MACROD2: variants seen among roughly 807,000 people sequenced by gnomAD.
The protein encoded by MACROD2 is ADP-ribose glycohydrolase MACROD2.
Under a neutral mutation model 70.4 loss-of-function variants are expected in MACROD2, and 36 were observed. The ratio of observed to expected loss-of-function variants is 0.51; its 90% CI spans 0.39 to 0.68. The LOEUF is 0.68. MACROD2 is among the 30% of genes least tolerant of loss of function. The probability of loss-of-function intolerance (pLI) is 0.00; values close to 1 mark genes in which losing one functional copy is unlikely to be tolerated. For synonymous variants in MACROD2, 172 were observed against 178.8 expected (o/e 0.96, Z 0.30); for missense variants, 496 against 538.4 (o/e 0.92, Z 0.78).
intron 13 of MACROD2, among the ~76,000 whole-genome samples, chr20:15,977,433 T>G (rs1299654335): frequency 6.6e-6 from 1 of 152,222 alleles, no homozygotes; most frequent in African/African-American, 2.4e-5. Context: ...AAACATCCAG[T>G]TATCTTTATT....
At chr20:15,142,873 G>A (rs1397360766) in intron 5 of MACROD2, among the ~76,000 whole-genome samples, 1 of 152,042 alleles carries the variant, frequency 6.6e-6, no homozygotes, top group Non-Finnish European at 1.5e-5. Context: ...AGTATTCCAT[G>A]GTATATATGT....
intron 8 of MACROD2, among the ~76,000 whole-genome samples, chr20:15,848,538 G>A (rs886476540): frequency 2.6e-5 from 4 of 152,158 alleles, no homozygotes; most frequent in Admixed American, 2.0e-4. Flanking sequence ...CCAAGTTCCC[G>A]AGGGAGACTT....
chr20:14,435,728 A>G (rs1406945721), intron 3 of MACROD2, among the ~76,000 whole-genome samples: 1 of 150,256 alleles, frequency 6.7e-6, no homozygotes, highest in Non-Finnish European at 1.5e-5. Flanking sequence ...TTTTTTTGAC[A>G]TAGGATCTTG....
chr20:15,928,323 T>C (rs2065522439), intron 10 of MACROD2, among the ~76,000 whole-genome samples: 1 of 152,352 alleles, frequency 6.6e-6, no homozygotes, highest in African/African-American at 2.4e-5. Context: ...CACAAAACTT[T>C]AGAGTTGTAG....
At chr20:15,619,242 G>A (rs141230470) in intron 8 of MACROD2, among the ~76,000 whole-genome samples, 1 of 152,202 alleles carries the variant, frequency 6.6e-6, no homozygotes, top group African/African-American at 2.4e-5. Context: ...GCAAGAAGGA[G>A]GTTTGTTTTG....
chr20:15,581,698 A>AT (rs2048526197), intron 8 of MACROD2, among the ~76,000 whole-genome samples: 1 of 152,118 alleles, frequency 6.6e-6, no homozygotes. Context: ...GAACTTGTGT[A>AT]TTTGAGGTCA....
chr20:15,007,300 G>C (rs975592176), intron 5 of MACROD2, among the ~76,000 whole-genome samples: 1 of 151,956 alleles, frequency 6.6e-6, no homozygotes, highest in Non-Finnish European at 1.5e-5. Context: ...GGAGTTGGAG[G>C]TTGCGGTGAG....
intron 8 of MACROD2, among the ~76,000 whole-genome samples, chr20:15,740,861 A>G (rs2051094124): frequency 6.6e-6 from 1 of 152,018 alleles, no homozygotes; most frequent in Non-Finnish European, 1.5e-5. Flanking sequence ...AATTGTATTC[A>G]TAATGTGATC....
rs578035089 is a variant in MACROD2 at position 15,929,476 on chromosome 20, ACTGAAGAATTAAGACCAATAATCTAAT to A, written c.776-3796_776-3770del. On this transcript the variant is annotated intron_variant, in intron 10 of 17. Coordinates refer to ENST00000684519, the MANE Select transcript of MACROD2 (RefSeq NM_001351661.2). ...TATACACACAATCTTATTATAGGGG[ACTGAAGAATTAAGACCAATAATCTAAT>A]CTGCAAAGCACTGGTTTTGAATTGT... Among the ~76,000 whole-genome samples the A allele has an allele frequency of 1.0e-3, 156 of 152,182 alleles. 5 individuals are homozygous for A. In the South Asian group the frequency reaches 0.03, roughly 29 times the overall value.
chr20:14,560,351 G>T (rs181912449), intron 4 of MACROD2, among the ~76,000 whole-genome samples: 94 of 137,172 alleles, frequency 6.9e-4, no homozygotes, highest in Non-Finnish European at 2.8e-4. Context: ...GTGCACGCAT[G>T]TGTGTATACA....
chr20:14,133,199 AGT>A (rs1331643936), intron 3 of MACROD2, among the ~76,000 whole-genome samples: 1 of 152,208 alleles, frequency 6.6e-6, no homozygotes, highest in Non-Finnish European at 1.5e-5. Context: ...CTTTTGGCCC[AGT>A]CAAGTTGATA....
chr20:15,494,073 T>C (rs1321975079), intron 7 of MACROD2, among the ~76,000 whole-genome samples: 1 of 152,250 alleles, frequency 6.6e-6, no homozygotes, highest in Non-Finnish European at 1.5e-5. Context: ...AAAACTTGTC[T>C]TGGCTTCTAG....
intron 3 of MACROD2, among the ~76,000 whole-genome samples, chr20:14,217,246 C>T (rs1484271514): frequency 2.0e-5 from 3 of 152,110 alleles, no homozygotes; most frequent in Non-Finnish European, 4.4e-5. Flanking sequence ...AATGCTTTTT[C>T]TGCATCTATT....
intron 5 of MACROD2, among the ~76,000 whole-genome samples, chr20:15,060,661 C>A (rs2075525356): frequency 6.6e-6 from 1 of 152,184 alleles, no homozygotes; most frequent in Non-Finnish European, 1.5e-5. Context: ...CCCATGGCTT[C>A]ATGTGCCAAA....
intron 12 of MACROD2, among the ~76,000 whole-genome samples, chr20:15,957,872 T>C (rs1340185262): frequency 6.6e-6 from 1 of 152,172 alleles, no homozygotes; most frequent in African/African-American, 2.4e-5. Context: ...GTGGTGTGGG[T>C]GTGCCAAGAG....
chr20:14,031,630 G>T (rs939714930), intron 2 of MACROD2, among the ~76,000 whole-genome samples: 3 of 152,022 alleles, frequency 2.0e-5, no homozygotes, highest in Non-Finnish European at 2.9e-5. Flanking sequence ...TACATTTGTA[G>T]CTATTTATAT....
chr20:15,536,997 T>C (rs371455543), intron 8 of MACROD2, among the ~76,000 whole-genome samples: 1 of 152,092 alleles, frequency 6.6e-6, no homozygotes, highest in Non-Finnish European at 1.5e-5. Flanking sequence ...TACCCTCCTC[T>C]GAGATGCTCA....
intron 3 of MACROD2, among the ~76,000 whole-genome samples, chr20:14,212,952 AT>A (rs745470588): frequency 2.2e-4 from 34 of 151,900 alleles, no homozygotes; most frequent in African/African-American, 7.0e-4. Context: ...TCTACATGTG[AT>A]AACCGTGGCT....
intron 3 of MACROD2, among the ~76,000 whole-genome samples, chr20:14,173,351 C>A (rs949129411): frequency 3.9e-5 from 6 of 151,954 alleles, no homozygotes; most frequent in Non-Finnish European, 8.8e-5. Context: ...TGAATTAATT[C>A]GAAAGCCCTC....
Sources: allele counts gnomAD v4.1 joint callset (sites outside exome capture counted in the v4.1 genomes callset), GRCh38; gene constraint gnomAD v4.1.1; transcripts MANE v1.5; gene names NCBI Gene and HGNC (gene_info 2026-07-23, HGNC 2026-07-21).